The following IKBKB-DT variants were observed in gnomAD, a reference collection of about 807,000 sequenced individuals.
IKBKB-DT encodes the protein IKBKB antisense RNA.
At chr8:42,241,538 A>T (rs1807003968) in intron 3 of IKBKB-DT, among the ~76,000 whole-genome samples, 1 of 152,198 alleles carries the variant, frequency 6.6e-6, no homozygotes, top group Admixed American at 6.5e-5. Flanking sequence ...CTAAAAAAAT[A>T]CTAATCACAG....
chr8:42,245,356 G>T (rs1173606319), intron 3 of IKBKB-DT, among the ~76,000 whole-genome samples: 1 of 152,232 alleles, frequency 6.6e-6, no homozygotes, highest in Non-Finnish European at 1.5e-5. Context: ...GACACCATGA[G>T]TTTACAACTT....
At chr8:42,248,106 A>G (rs1807084626) in intron 3 of IKBKB-DT, among the ~76,000 whole-genome samples, 1 of 152,044 alleles carries the variant, frequency 6.6e-6, no homozygotes, top group Non-Finnish European at 1.5e-5. Flanking sequence ...AAAAAAAAAA[A>G]AAAGAAAGTG....
chr8:42,233,703 A>T (rs1806884879), exon 4 of IKBKB-DT: 1 of 152,182 alleles, frequency 6.6e-6, no homozygotes, highest in Non-Finnish European at 1.5e-5. Context: ...TTTTATTATT[A>T]CTCAAATCAG....
chr8:42,235,205 C>CTTTTTTTTTTTTTTTTTTTTTCTT (rs746414963), intron 3 of IKBKB-DT, among the ~76,000 whole-genome samples: 2 of 99,402 alleles, frequency 2.0e-5, no homozygotes, highest in African/African-American at 8.0e-5. Context: ...CTTTTATTTT[C>CTTTTTTTTTTTTTTTTTTTTTCTT]TTTTTTTTTT....
intron 3 of IKBKB-DT, among the ~76,000 whole-genome samples, chr8:42,261,635 T>A (rs546043507): frequency 6.6e-6 from 1 of 152,230 alleles, no homozygotes; most frequent in South Asian, 2.1e-4. Flanking sequence ...CTTCTCCTGA[T>A]TTTTTATTTT....
At chr8:42,250,648 G>A (rs1807119344) in intron 3 of IKBKB-DT, among the ~76,000 whole-genome samples, 1 of 152,198 alleles carries the variant, frequency 6.6e-6, no homozygotes, top group Non-Finnish European at 1.5e-5. Flanking sequence ...GGGGTGAGGA[G>A]GTGGGGGCAG....
At chr8:42,246,835 C>A (rs1284256877) in intron 3 of IKBKB-DT, among the ~76,000 whole-genome samples, 1 of 152,108 alleles carries the variant, frequency 6.6e-6, no homozygotes, top group East Asian at 1.9e-4. Flanking sequence ...TTTCCACGGA[C>A]CTGGGGTTGG....
At chr8:42,239,431 C>G (rs1213452761) in intron 3 of IKBKB-DT, among the ~76,000 whole-genome samples, 1 of 151,540 alleles carries the variant, frequency 6.6e-6, no homozygotes, top group African/African-American at 2.4e-5. Context: ...TATCTCTCCC[C>G]ACCAGCTCAG....
intron 3 of IKBKB-DT, among the ~76,000 whole-genome samples, chr8:42,259,608 CT>C: frequency 6.6e-6 from 1 of 152,090 alleles, no homozygotes; most frequent in East Asian, 1.9e-4. Context: ...CATTTATATA[CT>C]TTTATCCTAT....
chr8:42,238,784 A>C (rs931944234), intron 3 of IKBKB-DT, among the ~76,000 whole-genome samples: 2 of 152,096 alleles, frequency 1.3e-5, no homozygotes, highest in African/African-American at 4.8e-5. Flanking sequence ...CCAGAGACTT[A>C]CTTAGCACGA....
chr8:42,250,725 A>G (rs2129916748), intron 3 of IKBKB-DT, among the ~76,000 whole-genome samples: 1 of 152,132 alleles, frequency 6.6e-6, no homozygotes, highest in South Asian at 2.1e-4. Flanking sequence ...CCACTGATAT[A>G]CTTTTTGTAA....
intron 3 of IKBKB-DT, among the ~76,000 whole-genome samples, chr8:42,235,821 G>A (rs1439905915): frequency 6.6e-6 from 1 of 152,036 alleles, no homozygotes; most frequent in Non-Finnish European, 1.5e-5. Flanking sequence ...TTGTGCAGTG[G>A]GCAGTAAGAA....
chr8:42,263,524 C>T (rs939595102), intron 2 of IKBKB-DT: 1 of 152,126 alleles, frequency 6.6e-6, no homozygotes, highest in Non-Finnish European at 1.5e-5. Context: ...AGTTTAACAA[C>T]ATGTATATTT....
chr8:42,248,094 GAAA>G (rs757622392), intron 3 of IKBKB-DT, among the ~76,000 whole-genome samples: 3 of 131,988 alleles, frequency 2.3e-5, no homozygotes, highest in Admixed American at 7.7e-5. Context: ...CTCCGTCTCG[GAAA>G]AAAAAAAAAA....
chr8:42,252,572 G>A (rs904986850), intron 3 of IKBKB-DT, among the ~76,000 whole-genome samples: 10 of 152,206 alleles, frequency 6.6e-5, no homozygotes, highest in Admixed American at 6.5e-4. Flanking sequence ...TCACTAGGTT[G>A]ATGAGGCTGG....
intron 3 of IKBKB-DT, among the ~76,000 whole-genome samples, chr8:42,241,318 T>C (rs939652840): frequency 2.8e-4 from 38 of 134,512 alleles, no homozygotes; most frequent in African/African-American, 8.3e-4. Flanking sequence ...GAGAATGTAA[T>C]ACCATTTTCT....
intron 3 of IKBKB-DT, among the ~76,000 whole-genome samples, chr8:42,246,228 A>G (rs982217184): frequency 2.0e-5 from 3 of 152,052 alleles, no homozygotes; most frequent in East Asian, 1.9e-4. Flanking sequence ...GGGTCTCACT[A>G]TGTTGTCCAG....
At chr8:42,248,280 C>G (rs1943060482) in intron 3 of IKBKB-DT, among the ~76,000 whole-genome samples, 1 of 152,060 alleles carries the variant, frequency 6.6e-6, no homozygotes, top group Non-Finnish European at 1.5e-5. Flanking sequence ...CGCTTGCCCA[C>G]CACTCACCTC....
chr8:42,260,959 C>G (rs146310599), intron 3 of IKBKB-DT, among the ~76,000 whole-genome samples: 1 of 152,120 alleles, frequency 6.6e-6, no homozygotes. Flanking sequence ...CTCCCATAGA[C>G]AGCCAAGGGA....
Sources: allele counts gnomAD v4.1 joint callset (sites outside exome capture counted in the v4.1 genomes callset), GRCh38; gene constraint gnomAD v4.1.1; transcripts MANE v1.5; gene names NCBI Gene and HGNC (gene_info 2026-07-23, HGNC 2026-07-21).